Variants in STAG1 observed in about 807,000 individuals in gnomAD.
STAG1 encodes the protein cohesin subunit SA-1.
A neutral mutation model predicts 170.9 loss-of-function variants in STAG1; 26 were observed. The ratio of observed to expected loss-of-function variants is 0.15; its 90% CI spans 0.11 to 0.21. The LOEUF is 0.21. Among genes scored for constraint, STAG1 ranks in the 10% least tolerant of loss-of-function variants. STAG1 has a pLI of 1.00. For synonymous variants in STAG1, 514 were observed against 497.7 expected (o/e 1.03, Z -0.44); for missense variants, 964 against 1,509.5 (o/e 0.64, Z 5.99).
chr3:136,460,375 G>T (rs888299285), intron 13 of STAG1, among the ~76,000 whole-genome samples: 1 of 152,160 alleles, frequency 6.6e-6, no homozygotes, highest in Non-Finnish European at 1.5e-5. Flanking sequence ...GCCAAGGTGG[G>T]TGAATCACCT....
At chr3:136,365,439 A>G (rs1422380116) in intron 25 of STAG1, among the ~76,000 whole-genome samples, 5 of 152,156 alleles carry the variant, frequency 3.3e-5, no homozygotes, top group African/African-American at 1.2e-4. Context: ...GAAAGGTGCT[A>G]GAGGACAGAG....
intron 15 of STAG1, among the ~76,000 whole-genome samples, chr3:136,440,034 A>C (rs374467868): frequency 2.1e-4 from 32 of 152,362 alleles, no homozygotes; most frequent in East Asian, 1.3e-3. Flanking sequence ...TTCATTACTG[A>C]AACACTTAGT....
chr3:136,665,352 G>A (rs530250396), intron 1 of STAG1, among the ~76,000 whole-genome samples: 75 of 152,188 alleles, frequency 4.9e-4, no homozygotes, highest in Non-Finnish European at 3.2e-4. Context: ...CAAGATTTAG[G>A]CCCTTTATGA....
At chr3:136,727,773 A>G (rs1170220845) in intron 1 of STAG1, among the ~76,000 whole-genome samples, 1 of 152,220 alleles carries the variant, frequency 6.6e-6, no homozygotes, top group Non-Finnish European at 1.5e-5. Flanking sequence ...AAGGAAAATA[A>G]TCATATTATT....
At chr3:136,699,248 GTC>G in intron 1 of STAG1, among the ~76,000 whole-genome samples, 1 of 152,242 alleles carries the variant, frequency 6.6e-6, no homozygotes, top group South Asian at 2.1e-4. Context: ...TTCCTTTAAT[GTC>G]TCAATAGCCT....
intron 9 of STAG1, among the ~76,000 whole-genome samples, chr3:136,477,716 G>A (rs559593201): frequency 4.6e-5 from 7 of 152,134 alleles, no homozygotes; most frequent in African/African-American, 1.7e-4. Context: ...CAAGAAACAT[G>A]TTAAACTTTC....
chr3:136,394,345 A>G (rs547762904), intron 22 of STAG1, among the ~76,000 whole-genome samples: 2 of 152,376 alleles, frequency 1.3e-5, no homozygotes, highest in East Asian at 3.9e-4. Context: ...TAAAGAAACT[A>G]CCAACAACTT....
At chr3:136,544,080 A>T (rs1936033299) in intron 5 of STAG1, among the ~76,000 whole-genome samples, 1 of 152,194 alleles carries the variant, frequency 6.6e-6, no homozygotes, top group Non-Finnish European at 1.5e-5. Context: ...CCCATCACCT[A>T]GACCTATAGC....
intron 7 of STAG1, among the ~76,000 whole-genome samples, chr3:136,516,994 T>A (rs1934410736): frequency 6.6e-6 from 1 of 152,246 alleles, no homozygotes; most frequent in Non-Finnish European, 1.5e-5. Flanking sequence ...CAAAATTATT[T>A]TCAGCCTCTG....
At chr3:136,642,290 T>C (rs1031635473) in intron 1 of STAG1, among the ~76,000 whole-genome samples, 1 of 111,908 alleles carries the variant, frequency 8.9e-6, no homozygotes. Flanking sequence ...TTTTTTTTTT[T>C]TGAGACATTC....
chr3:136,480,833 T>C (rs1284136000), intron 9 of STAG1, among the ~76,000 whole-genome samples: 1 of 120,918 alleles, frequency 8.3e-6, no homozygotes, highest in Non-Finnish European at 1.8e-5. Flanking sequence ...TTTATTCTCT[T>C]TGAAGCAATT....
At chr3:136,589,291 G>A (rs1404461154) in intron 4 of STAG1, among the ~76,000 whole-genome samples, 3 of 152,006 alleles carry the variant, frequency 2.0e-5, no homozygotes, top group African/African-American at 7.2e-5. Context: ...CTGAGGTCAG[G>A]AGTTCGAGAC....
chr3:136,620,818 T>A (rs1221477877), intron 3 of STAG1, among the ~76,000 whole-genome samples: 1 of 152,242 alleles, frequency 6.6e-6, no homozygotes, highest in Non-Finnish European at 1.5e-5. Context: ...AAATATGGCA[T>A]GAACATGCAC....
intron 1 of STAG1, among the ~76,000 whole-genome samples, chr3:136,679,728 TA>T (rs61069088): frequency 8.0e-4 from 94 of 117,686 alleles, no homozygotes; most frequent in Middle Eastern, 4.7e-3. Context: ...GACTCCGTCT[TA>T]AAAAAAAAAA....
At chr3:136,356,835 C>T (rs1936674625) in intron 28 of STAG1, among the ~76,000 whole-genome samples, 1 of 152,196 alleles carries the variant, frequency 6.6e-6, no homozygotes, top group Non-Finnish European at 1.5e-5. Flanking sequence ...TTACTGCAAC[C>T]TCTGCCACTT....
chr3:136,391,671 G>A (rs9820621), intron 22 of STAG1, among the ~76,000 whole-genome samples: 25,104 of 152,202 alleles, frequency 0.16, 2,747 homozygotes, highest in Non-Finnish European at 0.24. Context: ...CACCATGCCC[G>A]GCCCATTTTA....
At chr3:136,535,846 T>G (rs577570905) in intron 6 of STAG1, among the ~76,000 whole-genome samples, 8 of 152,176 alleles carry the variant, frequency 5.3e-5, no homozygotes, top group Non-Finnish European at 1.2e-4. Flanking sequence ...CTACTATGTA[T>G]CCATAAAAGC....
At chr3:136,633,824 C>CA (rs1419153921) in intron 1 of STAG1, among the ~76,000 whole-genome samples, 3 of 149,074 alleles carry the variant, frequency 2.0e-5, no homozygotes, top group East Asian at 2.0e-4. Flanking sequence ...TCCATCTCTA[C>CA]AAAAAAATTT....
At chr3:136,490,966 T>C (rs1282684949) in intron 9 of STAG1, among the ~76,000 whole-genome samples, 1 of 152,244 alleles carries the variant, frequency 6.6e-6, no homozygotes, top group Admixed American at 6.5e-5. Flanking sequence ...TCATCTTTGA[T>C]GTTTTTCATT....
Sources: allele counts gnomAD v4.1 joint callset (sites outside exome capture counted in the v4.1 genomes callset), GRCh38; gene constraint gnomAD v4.1.1; transcripts MANE v1.5; gene names NCBI Gene and HGNC (gene_info 2026-07-23, HGNC 2026-07-21).